The following DCDC1 variants were observed in gnomAD, a reference collection of about 807,000 sequenced individuals.
DCDC1 encodes doublecortin domain-containing protein 1.
Under a neutral mutation model 178.3 loss-of-function variants are expected in DCDC1, and 200 were observed. The ratio of observed to expected loss-of-function variants is 1.12; its 90% CI spans 1.00 to 1.26. DCDC1 has a LOEUF of 1.26. Ranked by LOEUF, DCDC1 falls within the 50% of genes most tolerant of loss-of-function variation. The pLI is 0.00. For missense variants in DCDC1, 1,983 were observed against 1,749.2 expected, an observed-to-expected ratio of 1.13 and a Z score of -2.38; for synonymous variants, 690 against 604.8, an observed-to-expected ratio of 1.14 and a Z score of -2.07.
intron 17 of DCDC1, among the ~76,000 whole-genome samples, chr11:31,083,929 C>T (rs745937317): frequency 6.6e-6 from 1 of 152,170 alleles, no homozygotes; most frequent in Non-Finnish European, 1.5e-5. Flanking sequence ...TGAAAAATAA[C>T]TTCGATTCAA....
intron 1 of DCDC1, among the ~76,000 whole-genome samples, chr11:31,358,465 G>C (rs1951519146): frequency 2.0e-5 from 3 of 151,506 alleles, no homozygotes; most frequent in Admixed American, 6.6e-5. Flanking sequence ...TTAAACGTTA[G>C]ACCTAAAACC....
chr11:31,022,653 G>GTT lies in DCDC1; in HGVS notation c.2591+41815_2591+41816insAA, dbSNP rs1952957443. ...CTAGTGTCTTTTAGTTTGTGTGTGT[G>GTT]TGTGTGTGTGTGTGTGTGTGTGTGT... On this transcript the variant is annotated intron_variant, in intron 20 of 38. Coordinates refer to ENST00000684477, the MANE Select transcript of DCDC1 (RefSeq NM_001387274.1). Among the ~76,000 whole-genome samples, 7 of 148,172 alleles carry GTT rather than the reference G, an allele frequency of 4.7e-5. No homozygotes were observed. The South Asian group carries it at 1.5e-3, about 32-fold the overall frequency.
intron 20 of DCDC1, among the ~76,000 whole-genome samples, chr11:31,026,079 A>C (rs1590801247): frequency 1.3e-5 from 2 of 151,836 alleles, no homozygotes; most frequent in East Asian, 3.8e-4. Context: ...ACCTGTAATA[A>C]ACATTCTTAA....
At position 31,255,297 on chromosome 11, in the gene DCDC1, T is replaced by A. The variant is rs970857188; in HGVS notation, c.1054+10210A>T. 3.9e-5 allele frequency among the ~76,000 whole-genome samples: 6 copies of A among 152,304 alleles called. No individual in the cohort carries two copies. The East Asian group carries it at 1.2e-3, about 29-fold the overall frequency. On this transcript the variant is annotated intron_variant, in intron 8 of 38. Coordinates refer to ENST00000684477, the MANE Select transcript of DCDC1 (RefSeq NM_001387274.1). ...CTTGTTTGAGTACCTGTTTTTAATTTTTTTTGCCTAAATATCTAGGAGTGG... is the reference window on the plus strand; with the variant it reads ...CTTGTTTGAGTACCTGTTTTTAATTATTTTTGCCTAAATATCTAGGAGTGG...
intron 9 of DCDC1, among the ~76,000 whole-genome samples, chr11:31,228,997 T>C (rs1447540525): frequency 6.6e-6 from 1 of 151,984 alleles, no homozygotes; most frequent in Non-Finnish European, 1.5e-5. Context: ...CCACAGAATA[T>C]AGCCATATAA....
chr11:31,300,315 C>T (rs1948016712), intron 6 of DCDC1, among the ~76,000 whole-genome samples: 1 of 152,164 alleles, frequency 6.6e-6, no homozygotes, highest in African/African-American at 2.4e-5. Context: ...GCCCAGCCAG[C>T]TATTCTAGAA....
intron 6 of DCDC1, among the ~76,000 whole-genome samples, chr11:31,292,949 G>C (rs1271327352): frequency 6.6e-6 from 1 of 152,030 alleles, no homozygotes; most frequent in African/African-American, 2.4e-5. Context: ...GCTTTGCATG[G>C]TGAAAGGGTA....
At chr11:31,086,669 C>G (rs1590995196) in intron 17 of DCDC1, among the ~76,000 whole-genome samples, 1 of 152,100 alleles carries the variant, frequency 6.6e-6, no homozygotes, top group East Asian at 1.9e-4. Flanking sequence ...TCTAAGATAC[C>G]TACAGTTTTA....
At chr11:31,177,137 A>G (rs1968148979) in intron 9 of DCDC1, among the ~76,000 whole-genome samples, 1 of 152,098 alleles carries the variant, frequency 6.6e-6, no homozygotes, top group South Asian at 2.1e-4. Context: ...AAAATAAATT[A>G]AGGCAACACA....
At chr11:31,273,578 A>G (rs898255097) in intron 7 of DCDC1, among the ~76,000 whole-genome samples, 4 of 152,166 alleles carry the variant, frequency 2.6e-5, no homozygotes, top group African/African-American at 9.7e-5. Flanking sequence ...AAGCCATTCA[A>G]CAAGTCTCTA....
intron 20 of DCDC1, among the ~76,000 whole-genome samples, chr11:30,953,634 C>A (rs1948567623): frequency 6.6e-6 from 1 of 152,058 alleles, no homozygotes; most frequent in Non-Finnish European, 1.5e-5. Flanking sequence ...GGAAAGTAGA[C>A]CCTCAGCAGA....
At chr11:31,206,025 C>A (rs1971824898) in intron 9 of DCDC1, among the ~76,000 whole-genome samples, 1 of 152,142 alleles carries the variant, frequency 6.6e-6, no homozygotes, top group African/African-American at 2.4e-5. Context: ...TCACTGTCCC[C>A]AACGACCATG....
intron 28 of DCDC1, among the ~76,000 whole-genome samples, chr11:30,909,390 A>G (rs896306951): frequency 2.6e-5 from 4 of 152,130 alleles, no homozygotes; most frequent in Admixed American, 2.6e-4. Context: ...ACCTTTTTCT[A>G]ACATCTTTTA....
chr11:30,916,596 T>C (rs1220059839), intron 26 of DCDC1, among the ~76,000 whole-genome samples: 5 of 152,126 alleles, frequency 3.3e-5, no homozygotes, highest in Non-Finnish European at 5.9e-5. Flanking sequence ...CTGTGCTAAG[T>C]TGTCAGGAGG....
chr11:30,937,764 C>T, intron 21 of DCDC1, among the ~76,000 whole-genome samples: 1 of 152,102 alleles, frequency 6.6e-6, no homozygotes, highest in Non-Finnish European at 1.5e-5. Context: ...TTATGTAGCT[C>T]CCCAACCCTT....
chr11:30,958,121 G>T (rs1948875283), intron 20 of DCDC1, among the ~76,000 whole-genome samples: 1 of 152,172 alleles, frequency 6.6e-6, no homozygotes. Flanking sequence ...AGAAAGTATA[G>T]GTAACCAGAG....
chr11:31,353,851 G>C (rs888760872), intron 1 of DCDC1, among the ~76,000 whole-genome samples: 1 of 152,142 alleles, frequency 6.6e-6, no homozygotes, highest in African/African-American at 2.4e-5. Context: ...TCAATTTACA[G>C]AGCCTAGTGT....
intron 12 of DCDC1, among the ~76,000 whole-genome samples, chr11:31,107,795 CCCTAT>C (rs1188778129): frequency 1.3e-5 from 2 of 152,158 alleles, no homozygotes; most frequent in African/African-American, 4.8e-5. Flanking sequence ...CTGCACTCCA[CCCTAT>C]CCATCACTCT....
At chr11:31,065,632 A>C (rs1344699396) in intron 18 of DCDC1, among the ~76,000 whole-genome samples, 1 of 152,246 alleles carries the variant, frequency 6.6e-6, no homozygotes, top group Non-Finnish European at 1.5e-5. Context: ...AAGGTAGAGC[A>C]TATGTCTATG....
Sources: gnomAD v4.1 joint callset for allele counts (sites outside exome capture counted in the v4.1 genomes callset) on GRCh38, gnomAD v4.1.1 for gene constraint, MANE v1.5 for transcripts, NCBI Gene and HGNC (gene_info 2026-07-23, HGNC 2026-07-21) for gene names.